PRMT8: variants seen among roughly 807,000 people sequenced by gnomAD.
PRMT8 encodes the protein protein arginine N-methyltransferase 8.
Under a neutral mutation model 47.1 loss-of-function variants are expected in PRMT8, and 7 were observed. The ratio of observed to expected loss-of-function variants is 0.15; its 90% CI spans 0.08 to 0.28. The LOEUF is 0.28. Ranked by LOEUF, PRMT8 falls within the 10% of genes least tolerant of loss-of-function variation. The pLI is 1.00. For missense variants in PRMT8, 237 were observed against 505.4 expected, an observed-to-expected ratio of 0.47 and a Z score of 5.09; for synonymous variants, 188 against 186.5, an observed-to-expected ratio of 1.01 and a Z score of -0.07.
At chr12:3,547,781 G>A (rs1866350330) in intron 2 of PRMT8, among the ~76,000 whole-genome samples, 1 of 152,186 alleles carries the variant, frequency 6.6e-6, no homozygotes, top group Admixed American at 6.5e-5. Flanking sequence ...TAAATGGAGA[G>A]CTGCAAAGTG....
intron 1 of PRMT8, among the ~76,000 whole-genome samples, chr12:3,478,169 A>T (rs1291156920): frequency 6.6e-6 from 1 of 152,216 alleles, no homozygotes; most frequent in African/African-American, 2.4e-5. Context: ...TAGCCACATA[A>T]TTAATGAAAA....
chr12:3,435,765 C>T (rs1026068308), intron 1 of PRMT8, among the ~76,000 whole-genome samples: 4 of 152,114 alleles, frequency 2.6e-5, no homozygotes, highest in South Asian at 2.1e-4. Context: ...CATGACCCAC[C>T]GGCCTCGGCC....
chr12:3,584,391 T>C (rs1867127991), intron 8 of PRMT8, among the ~76,000 whole-genome samples: 1 of 152,196 alleles, frequency 6.6e-6, no homozygotes, highest in Non-Finnish European at 1.5e-5. Context: ...GGGGGACAAT[T>C]CAGGTGGTAA....
chr12:3,510,706 C>T (rs2137129086), intron 1 of PRMT8, among the ~76,000 whole-genome samples: 1 of 152,294 alleles, frequency 6.6e-6, no homozygotes, highest in East Asian at 1.9e-4. Flanking sequence ...GAGGCTTAAC[C>T]AAACTGCTGC....
intron 1 of PRMT8, among the ~76,000 whole-genome samples, chr12:3,382,921 T>C (rs1467017195): frequency 3.9e-5 from 6 of 152,220 alleles, no homozygotes; most frequent in Non-Finnish European, 5.9e-5. Flanking sequence ...CTTTTTTCTC[T>C]TGTAGGAATC....
intron 1 of PRMT8, among the ~76,000 whole-genome samples, chr12:3,421,711 A>G (rs931755910): frequency 6.6e-6 from 1 of 152,178 alleles, no homozygotes; most frequent in African/African-American, 2.4e-5. Context: ...TCTCTGGGAA[A>G]CAGGCACTTT....
intron 1 of PRMT8, among the ~76,000 whole-genome samples, chr12:3,406,508 G>A (rs1405913873): frequency 1.3e-5 from 2 of 152,246 alleles, no homozygotes; most frequent in East Asian, 3.9e-4. Flanking sequence ...CCTCTTGAAT[G>A]CTTTGCCACT....
chr12:3,478,586 G>A (rs899250547), intron 1 of PRMT8, among the ~76,000 whole-genome samples: 2 of 152,216 alleles, frequency 1.3e-5, no homozygotes, highest in South Asian at 2.1e-4. Context: ...GGCAGCAGAG[G>A]AAGAAGATAC....
At chr12:3,561,449 A>G (rs1047459105) in intron 4 of PRMT8, among the ~76,000 whole-genome samples, 2 of 152,194 alleles carry the variant, frequency 1.3e-5, no homozygotes, top group Non-Finnish European at 2.9e-5. Context: ...GTTTTTATTC[A>G]TATTCAACAC....
intron 1 of PRMT8, among the ~76,000 whole-genome samples, chr12:3,460,122 G>C (rs1468033931): frequency 1.3e-5 from 2 of 152,140 alleles, no homozygotes; most frequent in African/African-American, 4.8e-5. Flanking sequence ...TGATCATCTG[G>C]TCCAATCCCT....
chr12:3,448,393 T>G (rs576126050), intron 1 of PRMT8, among the ~76,000 whole-genome samples: 3 of 152,322 alleles, frequency 2.0e-5, no homozygotes, highest in Non-Finnish European at 2.9e-5. Context: ...TATTACAAAT[T>G]TAAATAAGGA....
chr12:3,432,178 T>C (rs919525020), intron 1 of PRMT8, among the ~76,000 whole-genome samples: 1 of 152,060 alleles, frequency 6.6e-6, no homozygotes, highest in Non-Finnish European at 1.5e-5. Context: ...GCTGAGATGA[T>C]GGTGATGGCA....
chr12:3,483,791 T>C (rs942628542), intron 1 of PRMT8, among the ~76,000 whole-genome samples: 3 of 152,256 alleles, frequency 2.0e-5, no homozygotes, highest in African/African-American at 7.2e-5. Context: ...TTTTTTTCAA[T>C]AATCTGCGAT....
intron 1 of PRMT8, among the ~76,000 whole-genome samples, chr12:3,458,271 C>G (rs772897806): frequency 1.4e-4 from 22 of 152,216 alleles, no homozygotes; most frequent in Non-Finnish European, 4.4e-5. Flanking sequence ...AATTCTCCAA[C>G]TGCTTTCATG....
chr12:3,567,649 C>T (rs1234926239), intron 4 of PRMT8, among the ~76,000 whole-genome samples: 1 of 152,178 alleles, frequency 6.6e-6, no homozygotes, highest in Non-Finnish European at 1.5e-5. Context: ...ACAGTTGACC[C>T]CGACTACCAC....
intron 1 of PRMT8, among the ~76,000 whole-genome samples, chr12:3,438,220 T>C (rs1864764161): frequency 6.6e-6 from 1 of 152,154 alleles, no homozygotes; most frequent in African/African-American, 2.4e-5. Context: ...GGGAGGCTGC[T>C]CTGGTGGAGA....
chr12:3,448,996 T>G (rs1335062475), intron 1 of PRMT8, among the ~76,000 whole-genome samples: 1 of 152,198 alleles, frequency 6.6e-6, no homozygotes, highest in African/African-American at 2.4e-5. Flanking sequence ...TGTTTGGTTT[T>G]CTGTTCCTGC....
chr12:3,490,759 G>A (rs2137109341), upstream of PRMT8, among the ~76,000 whole-genome samples: 1 of 149,328 alleles, frequency 6.7e-6, no homozygotes, highest in South Asian at 2.2e-4. Context: ...CCCTAGAGTT[G>A]AAGGAGTTAA....
At chr12:3,449,628 T>C (rs1443140535) in intron 1 of PRMT8, among the ~76,000 whole-genome samples, 1 of 152,232 alleles carries the variant, frequency 6.6e-6, no homozygotes, top group Non-Finnish European at 1.5e-5. Flanking sequence ...AGAATCTGGA[T>C]ATTAGACCTT....
Sources: gnomAD v4.1 joint callset for allele counts (sites outside exome capture counted in the v4.1 genomes callset) on GRCh38, gnomAD v4.1.1 for gene constraint, MANE v1.5 for transcripts, NCBI Gene and HGNC (gene_info 2026-07-23, HGNC 2026-07-21) for gene names.